The following WDR89 variants were observed in gnomAD, a reference collection of about 807,000 sequenced individuals.
The protein encoded by WDR89 is WD repeat domain 89.
In WDR89, 17 loss-of-function variants were observed where a neutral mutation model predicts 29.1. That is an observed-to-expected ratio of 0.58 (90% CI 0.40 to 0.88). The LOEUF (loss-of-function observed/expected upper bound fraction) is 0.88. Among genes scored for constraint, WDR89 ranks in the 40% least tolerant of loss-of-function variants. The probability of loss-of-function intolerance (pLI) is 0.00; values close to 1 mark genes in which losing one functional copy is unlikely to be tolerated. For synonymous variants in WDR89, 138 were observed against 157.8 expected (o/e 0.87, Z 0.94); for missense variants, 396 against 456.3 (o/e 0.87, Z 1.20).
At chr14:63,632,291 G>C (rs1208712643) in intron 1 of WDR89, among the ~76,000 whole-genome samples, 2 of 151,800 alleles carry the variant, frequency 1.3e-5, no homozygotes, top group Non-Finnish European at 2.9e-5. Context: ...CAGAGGGAAA[G>C]TACGGGATTC....
intron 2 of WDR89, among the ~76,000 whole-genome samples, chr14:63,608,183 G>C (rs1446557014): frequency 6.6e-6 from 1 of 152,156 alleles, no homozygotes; most frequent in Admixed American, 6.6e-5. Context: ...TCCAGCCTGA[G>C]CAATAGAGTG....
intron 1 of WDR89, among the ~76,000 whole-genome samples, chr14:63,632,063 C>A (rs891225049): frequency 1.3e-5 from 2 of 150,976 alleles, no homozygotes; most frequent in African/African-American, 4.9e-5. Flanking sequence ...AGTGAGCCGA[C>A]AGTGCACCAC....
chr14:63,600,716 GCAAAAAAAAAAAAAAAAAA>G (rs1895020980), intron 2 of WDR89, among the ~76,000 whole-genome samples: 1 of 13,590 alleles, frequency 7.4e-5, no homozygotes, highest in Non-Finnish European at 1.6e-4. Context: ...AGATATGTAG[GCAAAAAAAAAAAAAAAAAA>G]AAAAAAAAAA....
At chr14:63,601,034 G>A (rs1470982566) in intron 2 of WDR89, among the ~76,000 whole-genome samples, 2 of 152,104 alleles carry the variant, frequency 1.3e-5, no homozygotes, top group African/African-American at 4.8e-5. Context: ...TGGTTTTGAA[G>A]ACAGAGGCTG....
intron 1 of WDR89, among the ~76,000 whole-genome samples, chr14:63,634,575 A>G (rs368127268): frequency 2.6e-5 from 4 of 151,842 alleles, no homozygotes; most frequent in African/African-American, 9.7e-5. Flanking sequence ...TAGATAGCTT[A>G]AAGAAAAAAC....
chr14:63,614,215 G>A (rs916391668), intron 2 of WDR89, among the ~76,000 whole-genome samples: 7 of 151,982 alleles, frequency 4.6e-5, no homozygotes, highest in African/African-American at 1.7e-4. Flanking sequence ...AAGGCCAGGG[G>A]CAAACCTGAA....
intron 2 of WDR89, among the ~76,000 whole-genome samples, chr14:63,617,005 G>C (rs1027631099): frequency 6.7e-6 from 1 of 149,502 alleles, no homozygotes; most frequent in Non-Finnish European, 1.5e-5. Context: ...AAAAAAAAAA[G>C]ATTCCTAGGT....
At chr14:63,623,322 T>C (rs1172091808) in intron 2 of WDR89, among the ~76,000 whole-genome samples, 2 of 143,994 alleles carry the variant, frequency 1.4e-5, no homozygotes, top group East Asian at 4.2e-4. Flanking sequence ...AAGTACCCAA[T>C]CAAAAAGAAA....
intron 1 of WDR89, among the ~76,000 whole-genome samples, chr14:63,631,271 A>G (rs1023560788): frequency 3.3e-5 from 5 of 152,236 alleles, no homozygotes; most frequent in Admixed American, 3.3e-4. Context: ...TGGAGTTCCC[A>G]ACAGTAGGAA....
intron 2 of WDR89, among the ~76,000 whole-genome samples, chr14:63,604,637 T>C (rs1369720582): frequency 2.6e-5 from 4 of 152,244 alleles, no homozygotes; most frequent in African/African-American, 7.2e-5. Flanking sequence ...CATATTTATA[T>C]GTATCTTTCT....
intron 2 of WDR89, among the ~76,000 whole-genome samples, chr14:63,615,188 A>T (rs928267418): frequency 6.6e-6 from 1 of 152,222 alleles, no homozygotes; most frequent in East Asian, 1.9e-4. Context: ...TTTGCATGTA[A>T]ATCTTGCATC....
At chr14:63,614,303 CTTTTT>C (rs922845446) in intron 2 of WDR89, among the ~76,000 whole-genome samples, 7 of 150,686 alleles carry the variant, frequency 4.6e-5, no homozygotes, top group Non-Finnish European at 8.9e-5. Flanking sequence ...CCTTTCTTTT[CTTTTT>C]TTCTTTTTTT....
chr14:63,622,373 A>G (rs1384622024), intron 2 of WDR89, among the ~76,000 whole-genome samples: 1 of 152,084 alleles, frequency 6.6e-6, no homozygotes, highest in Non-Finnish European at 1.5e-5. Flanking sequence ...TGAGGTCAGG[A>G]GTTCGAGACC....
intron 2 of WDR89, among the ~76,000 whole-genome samples, chr14:63,610,204 A>G (rs532078201): frequency 1.4e-5 from 2 of 138,164 alleles, no homozygotes; most frequent in African/African-American, 5.4e-5. Flanking sequence ...GGGGCGACAG[A>G]GTAAGACTCT....
rs1270031994 is a variant in WDR89, at chr14:63,598,742, A to G, written c.*37T>C. ...TAGTAAACAAGAAGGACTATTTGAA[A>G]CTATAAAACCTACCAAACAAAGTGC... On this transcript the variant is annotated 3_prime_UTR_variant, in exon 3 of 3. Coordinates refer to ENST00000620954, the MANE Select transcript of WDR89 (RefSeq NM_080666.4). The G allele has an allele frequency of 2.0e-6, 3 of 1,507,364 alleles. No individual in the cohort carries two copies. The highest frequency in any genetic ancestry group is 1.4e-5 in the African/African-American group (1 of 71,844). 93.4% of individuals were successfully genotyped at this position (1,507,364 alleles called of 1,614,324 possible). A position where few individuals can be genotyped will look rare whatever the true frequency, so the allele number is the denominator to read the frequency against.
chr14:63,615,648 C>T (rs908368543), intron 2 of WDR89, among the ~76,000 whole-genome samples: 6 of 152,252 alleles, frequency 3.9e-5, no homozygotes, highest in South Asian at 2.1e-4. Flanking sequence ...CAAAAACAGC[C>T]GGGCCCAGTG....
intron 2 of WDR89, among the ~76,000 whole-genome samples, chr14:63,620,470 G>A (rs528317145): frequency 1.3e-5 from 2 of 152,158 alleles, no homozygotes; most frequent in Non-Finnish European, 2.9e-5. Context: ...GGGGAGGAGG[G>A]AGAATCAGGG....
intron 2 of WDR89, among the ~76,000 whole-genome samples, chr14:63,604,882 G>A (rs1232731091): frequency 3.9e-5 from 6 of 152,140 alleles, no homozygotes; most frequent in South Asian, 2.1e-4. Flanking sequence ...ACCCATGTGT[G>A]TGATCCCAGC....
chr14:63,635,586 C>T (rs1883681736), intron 1 of WDR89, among the ~76,000 whole-genome samples: 1 of 152,164 alleles, frequency 6.6e-6, no homozygotes, highest in Admixed American at 6.5e-5. Flanking sequence ...GATGCCCACT[C>T]TCACCACTCC....
Sources: gnomAD v4.1 joint callset for allele counts (sites outside exome capture counted in the v4.1 genomes callset) on GRCh38, gnomAD v4.1.1 for gene constraint, MANE v1.5 for transcripts, NCBI Gene and HGNC (gene_info 2026-07-23, HGNC 2026-07-21) for gene names.